Variants in FECH observed in about 807,000 individuals in gnomAD.
FECH encodes the protein ferrochelatase.
Under a neutral mutation model 56.9 loss-of-function variants are expected in FECH, and 40 were observed. The ratio of observed to expected loss-of-function variants is 0.70; its 90% CI spans 0.55 to 0.92. The LOEUF (loss-of-function observed/expected upper bound fraction) is 0.92, where lower values mean the gene tolerates loss of function less well. FECH is among the 40% of genes least tolerant of loss of function. The pLI is 0.00. For missense variants in FECH, 431 were observed against 529.1 expected (o/e 0.81, Z 1.82); for synonymous variants, 175 against 198.6 (o/e 0.88, Z 1.00).
rs961362709 is a variant in FECH at position 57,546,575 on chromosome 18, T to C, written c.*4137A>G. 3.9e-5 allele frequency among the ~76,000 whole-genome samples: 6 copies of C among 152,228 alleles called. No homozygotes were observed. Among genetic ancestry groups the C allele is most frequent in the South Asian group, 2.1e-4 (1 of 4,834 alleles). ...AAGTTATGGTTTCTTGAATTAAATA[T>C]GGAATTTACTAGAAAGATTAGCCCA... On this transcript the variant is annotated 3_prime_UTR_variant, in exon 11 of 11. Transcript: ENST00000262093.
In FECH at chr18:57,554,184, ATACAT is replaced by A. The variant is rs2050836216; in HGVS notation, c.1077+71_1077+75del. 56 of 1,451,674 alleles carry A rather than the reference ATACAT, an allele frequency of 3.9e-5. 1 individual carries two copies. The South Asian group carries it at 6.2e-4, about 16-fold the overall frequency. 89.9% of individuals were successfully genotyped at this position (1,451,674 alleles called of 1,614,324 possible). The stretch of plus-strand genomic sequence containing the variant: ...ATACAGTAAACAATATTTCTGAATG[ATACAT>A]TAGTTAGTTGCAGAAAAAATTTCCT... On this transcript the variant is annotated intron_variant, in intron 9 of 10. Coordinates refer to ENST00000262093, the MANE Select transcript of FECH (RefSeq NM_000140.5).
At chr18:57,577,542 G>A (rs1377712458) in intron 2 of FECH, among the ~76,000 whole-genome samples, 2 of 152,146 alleles carry the variant, frequency 1.3e-5, no homozygotes, top group Non-Finnish European at 2.9e-5. Context: ...GACACTCACT[G>A]CTTCACCATT....
chr18:57,560,132 T>C (rs1478233238), intron 6 of FECH, among the ~76,000 whole-genome samples: 1 of 152,248 alleles, frequency 6.6e-6, no homozygotes, highest in African/African-American at 2.4e-5. Context: ...ATATTGACGT[T>C]AAATTTACTG....
chr18:57,563,686 A>C (rs73436914), intron 5 of FECH, among the ~76,000 whole-genome samples: 3,401 of 152,032 alleles, frequency 0.022, 131 homozygotes, highest in African/African-American at 0.078. Flanking sequence ...GGAAAAAAGA[A>C]ACTGACCATT....
chr18:57,566,477 G>A lies in FECH; in HGVS notation c.568C>T (p.Gln190Ter). The change falls in exon 5 of 11, where the codon CAG (glutamine) becomes TAG (stop). Residue 190 changes from glutamine to a stop codon, truncating the protein, a stop_gained. Coordinates refer to ENST00000262093, the MANE Select transcript of FECH (RefSeq NM_000140.5). LOFTEE classifies it high-confidence loss of function. ...DGLERAIAFT[Q>*]YPQYSCSTTG... ...GTGGAGCAGCTGTACTGTGGATACT[G>A]TGTGAAAGCAATAGCCCTTTCTAGG... The A allele has an allele frequency of 6.2e-7, 1 of 1,614,166 alleles. No individual in the cohort carries two copies.
chr18:57,577,494 A>T lies in FECH; in HGVS notation c.194+2579T>A, dbSNP rs541913692. Reference sequence around the variant, plus strand: ...TCCAGCCCAAGCATTAAGCAGCACAATGCCTTCATAATGACTGCCATCAGA... The same window carrying T: ...TCCAGCCCAAGCATTAAGCAGCACATTGCCTTCATAATGACTGCCATCAGA... On this transcript the variant is annotated intron_variant, in intron 2 of 10. Coordinates refer to ENST00000262093, the MANE Select transcript of FECH (RefSeq NM_000140.5). 2.6e-5 allele frequency among the ~76,000 whole-genome samples: 4 copies of T among 152,258 alleles called. No homozygotes were observed. In the South Asian group the frequency reaches 8.3e-4, roughly 32 times the overall value.
intron 2 of FECH, among the ~76,000 whole-genome samples, chr18:57,575,885 T>G (rs1162796044): frequency 2.0e-5 from 3 of 152,222 alleles, no homozygotes; most frequent in African/African-American, 7.2e-5. Context: ...TCAACCTACT[T>G]TTTCAGAATA....
chr18:57,564,657 T>C (rs2050993625), intron 5 of FECH, among the ~76,000 whole-genome samples: 1 of 152,222 alleles, frequency 6.6e-6, no homozygotes, highest in Admixed American at 6.5e-5. Context: ...TAGAATACAG[T>C]GAATCAGAAG....
Position 57,545,463 on chromosome 18 carries a change from C to G in FECH, c.*5249G>C, listed in dbSNP as rs925892704. Among the ~76,000 whole-genome samples, 1 of 152,180 alleles carries G rather than the reference C, an allele frequency of 6.6e-6. No individual in the cohort carries two copies. The highest frequency in any genetic ancestry group is 2.4e-5 in the African/African-American group (1 of 41,434). ...GAAAGGCTTAGTAAGAGTCCCACATCAAAAGCAAAAGCATTTCTTTCTCTC... is the reference window on the plus strand; with the variant it reads ...GAAAGGCTTAGTAAGAGTCCCACATGAAAAGCAAAAGCATTTCTTTCTCTC... On this transcript the variant is annotated 3_prime_UTR_variant, in exon 11 of 11. Transcript: ENST00000262093.
chr18:57,564,436 C>T (rs1350723294), intron 5 of FECH, among the ~76,000 whole-genome samples: 1 of 152,198 alleles, frequency 6.6e-6, no homozygotes, highest in Non-Finnish European at 1.5e-5. Flanking sequence ...CCAAGTCTAA[C>T]ACACAGCCTC....
rs2122357230 is a variant in FECH, at chr18:57,580,086, G to A, written c.181C>T (p.Gln61Ter). 6.2e-7 allele frequency: 1 copy of A among 1,614,078 alleles called. No individual in the cohort carries two copies. The highest frequency in any genetic ancestry group is 8.5e-7 in the Non-Finnish European group (1 of 1,180,028). The change falls in exon 2 of 11, where the codon CAA becomes TAA. Residue 61 changes from glutamine (Q) to a stop codon, truncating the protein, a stop_gained. Coordinates refer to ENST00000262093, the MANE Select transcript of FECH (RefSeq NM_000140.5). LOFTEE classifies it high-confidence loss of function. Reference protein sequence around the residue: ...QHAQGAKPQVQPQKRKPKTGI... With the variant: ...QHAQGAKPQV ...TTAGACTCATACCTCTTCTGCGGTT[G>A]AACTTGAGGTTTTGCACCCTGGGCA...
intron 3 of FECH, 171 bp downstream of exon 3, chr18:57,573,075 C>T: frequency 1.4e-6 from 1 of 705,022 alleles, no homozygotes; most frequent in Admixed American, 2.4e-5. Context: ...GCTCTCTCCC[C>T]CTGCAATTTT....
At position 57,563,092 on chromosome 18, in the gene FECH, G is replaced by C. The variant is rs9963013; in HGVS notation, c.599-112C>G. On this transcript the variant is annotated intron_variant, in intron 5 of 10. Transcript: ENST00000262093. ...CAAAGCAGGTAACTGCTTCTTTACTGAATCAGTCTAATTACAATCATTTCA... is the reference window on the plus strand; with the variant it reads ...CAAAGCAGGTAACTGCTTCTTTACTCAATCAGTCTAATTACAATCATTTCA... 0.011 allele frequency: 9,058 copies of C among 796,016 alleles called. 572 individuals carry two copies. In the African/African-American group the frequency reaches 0.14, roughly 12 times the overall value. The allele number at this position is 796,016 out of a possible 1,614,324, so 49.3% of individuals were successfully genotyped here.
chr18:57,558,585 C>G (rs1167626276), intron 7 of FECH, among the ~76,000 whole-genome samples: 1 of 152,184 alleles, frequency 6.6e-6, no homozygotes, highest in Non-Finnish European at 1.5e-5. Flanking sequence ...AACTGTCCCA[C>G]TTATTAGAAA....
intron 1 of FECH, among the ~76,000 whole-genome samples, chr18:57,585,119 C>A (rs141649206): frequency 4.8e-4 from 73 of 151,888 alleles, no homozygotes; most frequent in African/African-American, 1.7e-3. Flanking sequence ...ATGGCCCACC[C>A]CCGGAAGCTT....
intron 8 of FECH, 30 bp from the exon 9 acceptor site, chr18:57,554,454 G>T (rs1396191756): frequency 6.2e-7 from 1 of 1,613,538 alleles, no homozygotes. Context: ...ATGCGTAAGT[G>T]GACTATGCCT....
At chr18:57,560,288 GACACACACACATACAT>G (rs1273621255) in intron 6 of FECH, among the ~76,000 whole-genome samples, 1 of 152,128 alleles carries the variant, frequency 6.6e-6, no homozygotes, top group African/African-American at 2.4e-5. Context: ...TACAAACACA[GACACACACACATACAT>G]ACACACACAC....
At chr18:57,552,889 G>A (rs1433921579) in intron 9 of FECH, among the ~76,000 whole-genome samples, 3 of 152,122 alleles carry the variant, frequency 2.0e-5, no homozygotes, top group South Asian at 2.1e-4. Flanking sequence ...GAGAGTCAGC[G>A]ATACACTGAC....
At chr18:57,573,811 G>T (rs931472191) in intron 2 of FECH, among the ~76,000 whole-genome samples, 7 of 152,172 alleles carry the variant, frequency 4.6e-5, no homozygotes, top group Non-Finnish European at 8.8e-5. Flanking sequence ...TCAAAATGCT[G>T]TTTTGAGAAT....
Sources: gnomAD v4.1 joint callset for allele counts (sites outside exome capture counted in the v4.1 genomes callset) on GRCh38, gnomAD v4.1.1 for gene constraint, MANE v1.5 for transcripts, NCBI Gene and HGNC (gene_info 2026-07-23, HGNC 2026-07-21) for gene names.